Variants in SGCZ observed in about 807,000 individuals in gnomAD.
The protein encoded by SGCZ is zeta-sarcoglycan.
SGCZ carries 40 observed loss-of-function variants against 41.3 expected under a neutral mutation model. That is an observed-to-expected ratio of 0.97 (90% confidence interval 0.75 to 1.26). The LOEUF (loss-of-function observed/expected upper bound fraction) is 1.26. Among genes scored for constraint, SGCZ ranks in the 50% most tolerant of loss-of-function variants. The pLI is 0.00. For synonymous variants in SGCZ, 206 were observed against 137.5 expected, an observed-to-expected ratio of 1.50 and a Z score of -3.49; for missense variants, 552 against 369.8, an observed-to-expected ratio of 1.49 and a Z score of -4.04.
chr8:14,570,359 G>C (rs964180530), intron 1 of SGCZ, among the ~76,000 whole-genome samples: 5 of 152,174 alleles, frequency 3.3e-5, no homozygotes, highest in Non-Finnish European at 5.9e-5. Context: ...AGGTGTGATA[G>C]TCAGAGGATG....
At chr8:14,138,804 T>C (rs576947852) in intron 5 of SGCZ, among the ~76,000 whole-genome samples, 1 of 152,232 alleles carries the variant, frequency 6.6e-6, no homozygotes, top group East Asian at 1.9e-4. Context: ...TTAACAAGGA[T>C]ATCCCGGACT....
chr8:15,203,746 G>C (rs1457227), intron 1 of SGCZ, among the ~76,000 whole-genome samples: 50,259 of 152,038 alleles, frequency 0.33, 10,693 homozygotes, highest in Non-Finnish European at 0.45. Flanking sequence ...ATATGATTTA[G>C]CAGTGCTTCA....
At position 15,185,943 on chromosome 8, in the gene SGCZ, G is replaced by A. The variant is rs534903757; in HGVS notation, c.39+51642C>T. On this transcript the variant is annotated intron_variant, in intron 1 of 7. Coordinates refer to ENST00000382080, the MANE Select transcript of SGCZ (RefSeq NM_139167.4). ...AGCAGCATACAAGTTAATTTCTCTC[G>A]GCTGGGCGCGGTGGCTCACGTCTGT... Among the ~76,000 whole-genome samples, 4 of 151,548 alleles carry A rather than the reference G, an allele frequency of 2.6e-5. No individual in the cohort carries two copies. The South Asian group carries it at 6.3e-4, about 24-fold the overall frequency.
intron 1 of SGCZ, among the ~76,000 whole-genome samples, chr8:15,072,788 T>C (rs1805402121): frequency 6.6e-6 from 1 of 152,166 alleles, no homozygotes; most frequent in African/African-American, 2.4e-5. Context: ...GTAATGGAGA[T>C]GATTCAAATC....
At chr8:14,453,077 T>A (rs930272767) in intron 2 of SGCZ, among the ~76,000 whole-genome samples, 1 of 151,796 alleles carries the variant, frequency 6.6e-6, no homozygotes, top group Non-Finnish European at 1.5e-5. Flanking sequence ...CACTGAACTC[T>A]AGCCTGGGTG....
intron 1 of SGCZ, among the ~76,000 whole-genome samples, chr8:14,837,375 T>C (rs1042432168): frequency 6.6e-6 from 1 of 152,202 alleles, no homozygotes. Flanking sequence ...TTCTTAGTGT[T>C]TCCAAGGAAT....
In SGCZ at chr8:14,086,966, G is replaced by A. The variant is rs1034403788; in HGVS notation, c.*3477C>T. Among the ~76,000 whole-genome samples the A allele has an allele frequency of 1.3e-5, 2 of 151,514 alleles. No individual in the cohort carries two copies. Among genetic ancestry groups the A allele is most frequent in the Non-Finnish European group, 3.0e-5 (2 of 67,688 alleles). ...CCCCTCTCACAGATAAGTGAACTGT[G>A]ACCAACGTAATTAAATATATGTCTT... is the stretch of plus-strand genomic sequence containing the variant. On this transcript the variant is annotated 3_prime_UTR_variant, in exon 8 of 8. Transcript: ENST00000382080.
At chr8:15,194,033 G>A (rs1044599375) in intron 1 of SGCZ, among the ~76,000 whole-genome samples, 2 of 152,094 alleles carry the variant, frequency 1.3e-5, no homozygotes, top group African/African-American at 4.8e-5. Context: ...TGTTTTCTGA[G>A]TTGACCCTTA....
At chr8:14,402,135 G>C (rs112569176) in intron 2 of SGCZ, among the ~76,000 whole-genome samples, 1 of 152,044 alleles carries the variant, frequency 6.6e-6, no homozygotes, top group Non-Finnish European at 1.5e-5. Flanking sequence ...TGATGGGGTT[G>C]TTTGTTTTCT....
intron 4 of SGCZ, among the ~76,000 whole-genome samples, chr8:14,179,912 C>A (rs1260457897): frequency 2.0e-5 from 3 of 152,170 alleles, no homozygotes; most frequent in Non-Finnish European, 2.9e-5. Flanking sequence ...ACATATAGAG[C>A]AAGAGGTATT....
At chr8:14,535,353 T>A (rs1803261456) in intron 2 of SGCZ, among the ~76,000 whole-genome samples, 1 of 151,796 alleles carries the variant, frequency 6.6e-6, no homozygotes, top group Admixed American at 6.6e-5. Flanking sequence ...AAAAACTCTA[T>A]GTGACTAAAA....
chr8:14,788,333 T>C (rs1316063314), intron 1 of SGCZ, among the ~76,000 whole-genome samples: 1 of 152,182 alleles, frequency 6.6e-6, no homozygotes, highest in African/African-American at 2.4e-5. Flanking sequence ...AAAGGGAACC[T>C]TGGGCGATTA....
chr8:14,219,484 C>T (rs1041032427), intron 4 of SGCZ, among the ~76,000 whole-genome samples: 1 of 152,220 alleles, frequency 6.6e-6, no homozygotes, highest in Non-Finnish European at 1.5e-5. Flanking sequence ...CACAGTGGCT[C>T]ACGCCTGTAA....
chr8:14,870,390 A>C (rs1431248042), intron 1 of SGCZ, among the ~76,000 whole-genome samples: 1 of 152,198 alleles, frequency 6.6e-6, no homozygotes. Context: ...CCATATGCAG[A>C]AAACTAAAAC....
intron 1 of SGCZ, among the ~76,000 whole-genome samples, chr8:14,668,550 C>A (rs963136268): frequency 6.6e-6 from 1 of 152,132 alleles, no homozygotes; most frequent in Non-Finnish European, 1.5e-5. Context: ...CTGTTTTGAA[C>A]TTCATAACTT....
At position 14,532,695 on chromosome 8, in the gene SGCZ, A is replaced by C. The variant is rs531444389; in HGVS notation, c.234+22037T>G. ...ATGTGTCTAGTATGCCTTACAGTGA[A>C]AACTTGCTTTGTGTGTGGGGGGAGG... On this transcript the variant is annotated intron_variant, in intron 2 of 7. Transcript: ENST00000382080. 3.5e-5 allele frequency among the ~76,000 whole-genome samples: 4 copies of C among 115,504 alleles called. No individual in the cohort carries two copies. The East Asian group carries it at 1.2e-3, about 35-fold the overall frequency. The allele number at this position is 115,504 out of a possible 152,430, so 75.8% of individuals were successfully genotyped here.
intron 4 of SGCZ, among the ~76,000 whole-genome samples, chr8:14,179,624 G>C (rs528109603): frequency 1.3e-5 from 2 of 152,128 alleles, no homozygotes; most frequent in African/African-American, 4.8e-5. Flanking sequence ...CATGGATGGC[G>C]TAAAAGACAG....
rs190743132 is a variant in SGCZ at position 14,866,108 on chromosome 8, A to G, written c.40-311182T>C. On this transcript the variant is annotated intron_variant, in intron 1 of 7. Coordinates refer to ENST00000382080, the MANE Select transcript of SGCZ (RefSeq NM_139167.4). ...TGTAAAGCAGAAAAAGAATCTTCAC[A>G]GGTAACATATTAATATAAAATTTCC... Among the ~76,000 whole-genome samples the G allele has an allele frequency of 3.2e-4, 49 of 152,228 alleles. No individual in the cohort carries two copies. The South Asian group carries it at 3.7e-3, about 12-fold the overall frequency.
At chr8:14,602,933 G>T (rs564606124) in intron 1 of SGCZ, among the ~76,000 whole-genome samples, 163 of 152,296 alleles carry the variant, frequency 1.1e-3, no homozygotes, top group African/African-American at 3.8e-3. Flanking sequence ...AGCAAGCCAT[G>T]ATTGTCACAG....
Sources: allele counts gnomAD v4.1 joint callset (sites outside exome capture counted in the v4.1 genomes callset), GRCh38; gene constraint gnomAD v4.1.1; transcripts MANE v1.5; gene names NCBI Gene and HGNC (gene_info 2026-07-23, HGNC 2026-07-21).